Variants in PYGO1 observed in about 807,000 individuals in gnomAD.
The protein encoded by PYGO1 is pygopus family PHD finger 1.
In PYGO1, 6 loss-of-function variants were observed where a neutral mutation model predicts 29.5. The observed-to-expected ratio is 0.20, with a 90% confidence interval of 0.11 to 0.40. The LOEUF (loss-of-function observed/expected upper bound fraction) is 0.40, where lower values mean the gene tolerates loss of function less well. Ranked by LOEUF, PYGO1 falls within the 10% of genes least tolerant of loss-of-function variation. The pLI is 1.00. For synonymous variants in PYGO1, 186 were observed against 180.5 expected, an observed-to-expected ratio of 1.03 and a Z score of -0.24; for missense variants, 515 against 514.9, an observed-to-expected ratio of 1.00 and a Z score of 0.00.
rs191593564 is a variant in PYGO1, at chr15:55,553,686, C to A, written c.50-4691G>T. Among the ~76,000 whole-genome samples, 8 of 152,278 alleles carry A rather than the reference C, an allele frequency of 5.3e-5. 1 individual carries two copies. The East Asian group carries it at 1.5e-3, about 29-fold the overall frequency. ...TCAGCCTCCCAAAGTGCTGGGATTA[C>A]AGGTGTGAGCCAACGCGCCCAGCCT... is the stretch of plus-strand genomic sequence containing the variant. On this transcript the variant is annotated intron_variant, in intron 1 of 2. Coordinates refer to ENST00000563719, the MANE Select transcript of PYGO1 (RefSeq NM_001367806.1).
rs2058843929 is a variant in PYGO1, at chr15:55,545,105, T to C, written c.*918A>G. On this transcript the variant is annotated 3_prime_UTR_variant, in exon 3 of 3. Transcript: ENST00000563719. ...TTTTCAAACCACCACTGAGTAGTTC[T>C]TTTACTAGCAGAGCCCTCTAAGGCC... The C allele has an allele frequency of 6.6e-6, 1 of 152,200 alleles. No individual in the cohort carries two copies. Among genetic ancestry groups the C allele is most frequent in the Admixed American group, 6.5e-5 (1 of 15,282 alleles). 9.4% of individuals were successfully genotyped at this position (152,200 alleles called of 1,614,324 possible). A position where few individuals can be genotyped will look rare whatever the true frequency, so the allele number is the denominator to read the frequency against.
intron 1 of PYGO1, among the ~76,000 whole-genome samples, chr15:55,555,312 G>A (rs1013475984): frequency 6.6e-6 from 1 of 151,910 alleles, no homozygotes; most frequent in Non-Finnish European, 1.5e-5. Flanking sequence ...CAAACCCTGA[G>A]GGAATTCGTC....
At chr15:55,574,067 G>C (rs2058991223) in intron 1 of PYGO1, among the ~76,000 whole-genome samples, 2 of 152,154 alleles carry the variant, frequency 1.3e-5, no homozygotes, top group Admixed American at 6.5e-5. Flanking sequence ...AGCACTTCCA[G>C]CATCACTAGT....
At chr15:55,585,490 A>T (rs971376972) in intron 1 of PYGO1, among the ~76,000 whole-genome samples, 2 of 152,180 alleles carry the variant, frequency 1.3e-5, no homozygotes, top group East Asian at 3.9e-4. Flanking sequence ...ATTCCAAAAA[A>T]TTTTTTAATG....
At chr15:55,565,419 T>G (rs1284412085) in intron 1 of PYGO1, among the ~76,000 whole-genome samples, 1 of 152,022 alleles carries the variant, frequency 6.6e-6, no homozygotes. Flanking sequence ...TCATATGTAT[T>G]TTGGCCAAGC....
chr15:55,553,471 C>T (rs535347494), intron 1 of PYGO1, among the ~76,000 whole-genome samples: 1 of 152,014 alleles, frequency 6.6e-6, no homozygotes, highest in African/African-American at 2.4e-5. Context: ...CCTTGGCTCA[C>T]TGCAACCTCT....
chr15:55,550,924 G>A (rs918200604), intron 1 of PYGO1, among the ~76,000 whole-genome samples: 2 of 152,152 alleles, frequency 1.3e-5, no homozygotes, highest in Non-Finnish European at 2.9e-5. Context: ...GGGAGGTGGC[G>A]ATGGTTGTGG....
intron 1 of PYGO1, among the ~76,000 whole-genome samples, chr15:55,572,767 C>T (rs905902438): frequency 1.3e-4 from 20 of 152,116 alleles, no homozygotes; most frequent in African/African-American, 4.8e-4. Flanking sequence ...AAATGGCCAA[C>T]AGGTACCTGA....
chr15:55,557,424 G>A (rs1567053415), intron 1 of PYGO1, among the ~76,000 whole-genome samples: 1 of 152,162 alleles, frequency 6.6e-6, no homozygotes, highest in Non-Finnish European at 1.5e-5. Flanking sequence ...ACAAGGAGGA[G>A]CTGGTACTAT....
Position 55,549,111 on chromosome 15 carries a change from G to A in PYGO1, c.50-116C>T, listed in dbSNP as rs956451526. On this transcript the variant is annotated intron_variant, in intron 1 of 2. Transcript: ENST00000563719. ...TGTTTTCTATTTTCGTTAGACAAGA[G>A]CAATACTTTTATTATCATTATCTGT... The A allele has an allele frequency of 4.1e-6, 3 of 723,716 alleles. No individual in the cohort carries two copies. In the East Asian group the frequency reaches 9.2e-5, roughly 22 times the overall value. 44.8% of individuals were successfully genotyped at this position (723,716 alleles called of 1,614,324 possible).
At chr15:55,564,760 T>A (rs773314664) in intron 1 of PYGO1, among the ~76,000 whole-genome samples, 2 of 152,206 alleles carry the variant, frequency 1.3e-5, no homozygotes, top group Non-Finnish European at 2.9e-5. Context: ...TTTAAAACCA[T>A]TGATAATCTC....
At chr15:55,577,201 G>A (rs2141674363) in intron 1 of PYGO1, among the ~76,000 whole-genome samples, 2 of 152,234 alleles carry the variant, frequency 1.3e-5, no homozygotes, top group African/African-American at 4.8e-5. Flanking sequence ...GATTCACTGA[G>A]CCAGACTAAA....
rs370544163 is a variant in PYGO1 at position 55,542,970 on chromosome 15, AC to A, written c.*3052del. On this transcript the variant is annotated 3_prime_UTR_variant, in exon 3 of 3. Coordinates refer to ENST00000563719, the MANE Select transcript of PYGO1 (RefSeq NM_001367806.1). The stretch of plus-strand genomic sequence containing the variant: ...AACAAAACAAAAAAAACAAAAAAAA[AC>A]CCACCTTTCTGTCAATAACCTAGCT... 6.6e-6 allele frequency: 1 copy of A among 151,688 alleles called. No homozygotes were observed. The highest frequency in any genetic ancestry group is 1.5e-5 in the Non-Finnish European group (1 of 68,102). The allele number at this position is 151,688 out of a possible 1,614,324, so 9.4% of individuals were successfully genotyped here.
intron 2 of PYGO1, among the ~76,000 whole-genome samples, 184 bp downstream of exon 2, chr15:55,548,706 CTAAAAAAAAAAAAAAAAAAA>C (rs2058863922): frequency 2.6e-5 from 1 of 38,020 alleles, no homozygotes; most frequent in African/African-American, 9.8e-5. Flanking sequence ...AAGAATCCAC[CTAAAAAAAAAAAAAAAAAAA>C]AAAAAAAAAA....
At chr15:55,557,495 G>A (rs560636034) in intron 1 of PYGO1, among the ~76,000 whole-genome samples, 25 of 152,162 alleles carry the variant, frequency 1.6e-4, no homozygotes, top group Admixed American at 3.9e-4. Flanking sequence ...TCATTTTACC[G>A]GGCCAGCATC....
rs1379519442 is a variant in PYGO1, at chr15:55,588,155, C to T, written c.-272G>A. 5 of 595,270 alleles carry T rather than the reference C, an allele frequency of 8.4e-6. No homozygotes were observed. The highest frequency in any genetic ancestry group is 2.9e-4 in the East Asian group (2 of 6,888). The allele number at this position is 595,270 out of a possible 1,614,324, so 36.9% of individuals were successfully genotyped here. A position where few individuals can be genotyped will look rare whatever the true frequency, so the allele number is the denominator to read the frequency against. On this transcript the variant is annotated 5_prime_UTR_variant, in exon 1 of 3. Coordinates refer to ENST00000563719, the MANE Select transcript of PYGO1 (RefSeq NM_001367806.1). ...GCGCGGCCTGGGGGCGGCCCCCCACCCGGGGCCGGCATGTGCTGAGGGCGA... is the reference window on the plus strand; with the variant it reads ...GCGCGGCCTGGGGGCGGCCCCCCACTCGGGGCCGGCATGTGCTGAGGGCGA...
At position 55,577,565 on chromosome 15, in the gene PYGO1, G is replaced by T. The variant is rs542839494; in HGVS notation, c.49+10270C>A. 2.6e-5 allele frequency among the ~76,000 whole-genome samples: 4 copies of T among 151,412 alleles called. No individual in the cohort carries two copies. The South Asian group carries it at 6.3e-4, about 24-fold the overall frequency. On this transcript the variant is annotated intron_variant, in intron 1 of 2. Transcript: ENST00000563719. ...AAAGCAGTCACACCATTGGTCAAAAGAAGCAATGAAATCTAAAACTAGGTT... is the reference window on the plus strand; with the variant it reads ...AAAGCAGTCACACCATTGGTCAAAATAAGCAATGAAATCTAAAACTAGGTT...
At chr15:55,548,797 A>G (rs2617227) in intron 2 of PYGO1, 113 bp downstream of exon 2, 559,081 of 567,404 alleles carry the variant, frequency 0.99, 275,741 homozygotes, top group Non-Finnish European at 1. Flanking sequence ...ATGAATGATT[A>G]AAAGTACAAT....
At chr15:55,569,638 T>C (rs2058972340) in intron 1 of PYGO1, among the ~76,000 whole-genome samples, 1 of 152,244 alleles carries the variant, frequency 6.6e-6, no homozygotes, top group South Asian at 2.1e-4. Context: ...TCTATGTTTA[T>C]TCCACCGTGG....
Sources: gnomAD v4.1 joint callset for allele counts (sites outside exome capture counted in the v4.1 genomes callset) on GRCh38, gnomAD v4.1.1 for gene constraint, MANE v1.5 for transcripts, NCBI Gene and HGNC (gene_info 2026-07-23, HGNC 2026-07-21) for gene names.